FNBP1L: variants seen among roughly 807,000 people sequenced by gnomAD.
FNBP1L encodes the protein formin binding protein 1 like, also known as formin-binding protein 1-like.
A neutral mutation model predicts 91.2 loss-of-function variants in FNBP1L; 36 were observed. That is an observed-to-expected ratio of 0.39 (90% CI 0.30 to 0.52). The LOEUF (loss-of-function observed/expected upper bound fraction) is 0.52. Among genes scored for constraint, FNBP1L ranks in the 20% least tolerant of loss-of-function variants. FNBP1L has a pLI of 0.66. For synonymous variants in FNBP1L, 242 were observed against 237.0 expected, an observed-to-expected ratio of 1.02 and a Z score of -0.19; for missense variants, 571 against 732.1, an observed-to-expected ratio of 0.78 and a Z score of 2.54.
intron 6 of FNBP1L, among the ~76,000 whole-genome samples, chr1:93,530,037 G>A (rs1671623513): frequency 6.6e-6 from 1 of 152,170 alleles, no homozygotes; most frequent in South Asian, 2.1e-4. Context: ...AGGTTAGAAA[G>A]CTAAGATGTG....
At position 93,487,836 on chromosome 1, in the gene FNBP1L, A is replaced by T. The variant is rs375497640; in HGVS notation, c.25-11632A>T. ...TCTGAATATTGGTGTGCAACAAGGC[A>T]TAATTGCAATCATGTCCAGGGTAAT... On this transcript the variant is annotated intron_variant, in intron 1 of 16. Transcript: ENST00000271234. Among the ~76,000 whole-genome samples, 543 of 152,320 alleles carry T rather than the reference A, an allele frequency of 3.6e-3. 2 individuals are homozygous for T. The highest frequency in any genetic ancestry group is 0.016 in the South Asian group (78 of 4,820).
At chr1:93,466,277 G>C (rs558238357) in intron 1 of FNBP1L, among the ~76,000 whole-genome samples, 1 of 152,036 alleles carries the variant, frequency 6.6e-6, no homozygotes, top group African/African-American at 2.4e-5. Context: ...GTCTTTGCCC[G>C]TGCCTATGTC....
intron 2 of FNBP1L, among the ~76,000 whole-genome samples, chr1:93,512,088 A>C (rs1670875272): frequency 6.6e-6 from 1 of 152,184 alleles, no homozygotes; most frequent in African/African-American, 2.4e-5. Context: ...TCTACCAAGC[A>C]AATGGAAAAC....
At chr1:93,482,864 A>C (rs1669758791) in intron 1 of FNBP1L, among the ~76,000 whole-genome samples, 1 of 152,064 alleles carries the variant, frequency 6.6e-6, no homozygotes, top group South Asian at 2.1e-4. Context: ...CTAAAAATAC[A>C]AAAATTAGCC....
chr1:93,474,307 T>C (rs1201772757), intron 1 of FNBP1L, among the ~76,000 whole-genome samples: 1 of 152,130 alleles, frequency 6.6e-6, no homozygotes, highest in African/African-American at 2.4e-5. Context: ...TCCAATCGAC[T>C]GAACCAAAGG....
Position 93,514,786 on chromosome 1 carries a change from T to G in FNBP1L, c.141-7296T>G, listed in dbSNP as rs1671014690. ...ATCAATTCAAGATGGATTAAAGACT[T>G]AAACGTTAGACCTAAAACCATAAAA... On this transcript the variant is annotated intron_variant, in intron 2 of 16. Transcript: ENST00000271234. Among the ~76,000 whole-genome samples, 11 of 151,690 alleles carry G rather than the reference T, an allele frequency of 7.3e-5. No individual in the cohort carries two copies. The South Asian group carries it at 2.1e-3, about 29-fold the overall frequency.
chr1:93,546,834 T>C lies in FNBP1L; in HGVS notation c.1275-8T>C, dbSNP rs374258817. ...ATATTTAATTCTGGGGTTCCTTCTC[T>C]TTTTTAGAGATGCACTCAACAAAAT... is the stretch of plus-strand genomic sequence containing the variant. On this transcript the variant is annotated splice_polypyrimidine_tract_variant and splice_region_variant and intron_variant, in intron 12 of 16. Coordinates refer to ENST00000271234, the MANE Select transcript of FNBP1L (RefSeq NM_001164473.3). The C allele has an allele frequency of 1.3e-5, 21 of 1,610,952 alleles. No individual in the cohort carries two copies. Among genetic ancestry groups the C allele is most frequent in the South Asian group, 4.4e-5 (4 of 90,416 alleles).
intron 1 of FNBP1L, among the ~76,000 whole-genome samples, chr1:93,449,876 ATAGTTT>A (rs947971691): frequency 3.9e-5 from 6 of 152,258 alleles, no homozygotes; most frequent in Admixed American, 3.9e-4. Context: ...GGAAATGGGT[ATAGTTT>A]TATTTTAAAT....
chr1:93,479,070 A>G (rs1156524276), intron 1 of FNBP1L, among the ~76,000 whole-genome samples: 1 of 152,198 alleles, frequency 6.6e-6, no homozygotes, highest in Non-Finnish European at 1.5e-5. Flanking sequence ...GGTTCTTTCT[A>G]TTTTCCCTGT....
At position 93,534,797 on chromosome 1, in the gene FNBP1L, C is replaced by A; in HGVS notation, c.879C>A (p.Thr293=). The A allele has an allele frequency of 6.4e-7, 1 of 1,571,656 alleles. No homozygotes were observed. Among genetic ancestry groups the A allele is most frequent in the Non-Finnish European group, 8.6e-7 (1 of 1,156,764 alleles). ...FEDYSQHIYR[T]ISDGTISASK... is the part of the protein sequence containing the mutation. ...ATTACAGTCAACATATATATAGAACCATTTCTGATGGGACTATCAGTGCAT... is the reference window on the plus strand; with the variant it reads ...ATTACAGTCAACATATATATAGAACAATTTCTGATGGGACTATCAGTGCAT... Residue 293 remains threonine, a synonymous_variant, in exon 9 of 17, where the codon ACC becomes ACA. Coordinates refer to ENST00000271234, the MANE Select transcript of FNBP1L (RefSeq NM_001164473.3).
chr1:93,551,947 T>G, intron 16 of FNBP1L: 1 of 986,860 alleles, frequency 1.0e-6, no homozygotes, highest in Non-Finnish European at 1.2e-6. Flanking sequence ...CACAGTTACA[T>G]AGAAAAATAC....
chr1:93,502,953 A>AG, intron 2 of FNBP1L, among the ~76,000 whole-genome samples: 1 of 152,346 alleles, frequency 6.6e-6, no homozygotes, highest in Non-Finnish European at 1.5e-5. Context: ...TTTTATCCAA[A>AG]GGGAAGAGGT....
At chr1:93,516,848 C>T (rs539308446) in intron 2 of FNBP1L, among the ~76,000 whole-genome samples, 2 of 152,184 alleles carry the variant, frequency 1.3e-5, no homozygotes, top group Middle Eastern at 3.4e-3. Flanking sequence ...TTCTAGAAAA[C>T]AACCCCATTT....
chr1:93,452,667 C>T (rs114016423), intron 1 of FNBP1L, among the ~76,000 whole-genome samples: 2,651 of 152,268 alleles, frequency 0.017, 40 homozygotes, highest in Non-Finnish European at 0.027. Flanking sequence ...GCTCCACAAT[C>T]GTCCTTCCTT....
intron 2 of FNBP1L, among the ~76,000 whole-genome samples, chr1:93,503,013 C>T (rs1207119994): frequency 6.6e-6 from 1 of 152,134 alleles, no homozygotes; most frequent in Non-Finnish European, 1.5e-5. Context: ...TTTTGGTTAA[C>T]TCCCCTTATT....
intron 16 of FNBP1L, chr1:93,551,358 G>T: frequency 8.7e-7 from 1 of 1,143,006 alleles, no homozygotes; most frequent in Non-Finnish European, 1.1e-6. Flanking sequence ...TTTGCTTTAT[G>T]TCCCGCTTAA....
At chr1:93,450,118 A>G (rs990447403) in intron 1 of FNBP1L, among the ~76,000 whole-genome samples, 3 of 152,204 alleles carry the variant, frequency 2.0e-5, no homozygotes, top group Non-Finnish European at 4.4e-5. Context: ...ACTAAAGAAT[A>G]ACAGTTTTAA....
At chr1:93,524,123 T>C (rs936270738) in intron 4 of FNBP1L, 138 bp from the exon 5 acceptor site, 6 of 591,542 alleles carry the variant, frequency 1.0e-5, no homozygotes, top group Admixed American at 8.1e-5. Context: ...GGTAAAGTTA[T>C]ATAATTAGTA....
chr1:93,497,017 G>A (rs1381896008), intron 1 of FNBP1L, among the ~76,000 whole-genome samples: 1 of 152,158 alleles, frequency 6.6e-6, no homozygotes, highest in Non-Finnish European at 1.5e-5. Context: ...CTGGATTGCA[G>A]TGGCACGATC....
Sources: allele counts gnomAD v4.1 joint callset (sites outside exome capture counted in the v4.1 genomes callset), GRCh38; gene constraint gnomAD v4.1.1; transcripts MANE v1.5; gene names NCBI Gene and HGNC (gene_info 2026-07-23, HGNC 2026-07-21).